TXNRD3: variants seen among roughly 807,000 people sequenced by gnomAD.
The protein encoded by TXNRD3 is thioredoxin reductase 3, also known as TXNRD3 neighbor gene protein.
A neutral mutation model predicts 78.2 loss-of-function variants in TXNRD3; 68 were observed. That is an observed-to-expected ratio of 0.87 (90% CI 0.72 to 1.06). The LOEUF (loss-of-function observed/expected upper bound fraction) is 1.06. TXNRD3 is among the 50% of genes least tolerant of loss of function. The pLI is 0.00. For synonymous variants in TXNRD3, 296 were observed against 300.1 expected, an observed-to-expected ratio of 0.99 and a Z score of 0.14; for missense variants, 751 against 809.5, an observed-to-expected ratio of 0.93 and a Z score of 0.88.
intron 10 of TXNRD3, among the ~76,000 whole-genome samples, 178 bp from the exon 11 acceptor site, chr3:126,622,718 C>G (rs1331659242): frequency 6.6e-6 from 1 of 152,198 alleles, no homozygotes; most frequent in East Asian, 1.9e-4. Context: ...ACTTACCAAA[C>G]TTCACAAGTC....
chr3:126,623,008 C>G (rs73197936), intron 10 of TXNRD3, among the ~76,000 whole-genome samples: 1 of 152,262 alleles, frequency 6.6e-6, no homozygotes, highest in Non-Finnish European at 1.5e-5. Flanking sequence ...CCAACCCTGT[C>G]AACACCTTGA....
intron 1 of TXNRD3, among the ~76,000 whole-genome samples, chr3:126,654,015 G>C (rs537557258): frequency 3.3e-5 from 5 of 150,344 alleles, no homozygotes; most frequent in Non-Finnish European, 7.4e-5. Flanking sequence ...ATATATATTT[G>C]GTAAAAATGT....
chr3:126,621,661 G>A, intron 12 of TXNRD3, 81 bp downstream of exon 12: 1 of 1,281,096 alleles, frequency 7.8e-7, no homozygotes, highest in Non-Finnish European at 1.0e-6. Context: ...TTGGAAAACA[G>A]GCACACAAGT....
intron 1 of TXNRD3, 106 bp downstream of exon 1, chr3:126,654,642 C>T: frequency 1.6e-6 from 1 of 622,054 alleles, no homozygotes; most frequent in Non-Finnish European, 2.2e-6. Flanking sequence ...CTCACCGCCG[C>T]AGCCCGGGAC....
chr3:126,618,056 T>C (rs995974095), intron 12 of TXNRD3, among the ~76,000 whole-genome samples: 2 of 151,974 alleles, frequency 1.3e-5, no homozygotes, highest in Non-Finnish European at 2.9e-5. Context: ...AAAACACTGG[T>C]GAAAGAAACT....
chr3:126,634,541 A>G (rs144216817), intron 6 of TXNRD3, among the ~76,000 whole-genome samples: 66 of 152,324 alleles, frequency 4.3e-4, no homozygotes, highest in African/African-American at 1.6e-3. Context: ...TGTCTTTACA[A>G]CAAATATGGT....
At position 126,644,407 on chromosome 3, in the gene TXNRD3, G is replaced by T. The variant is rs189429862; in HGVS notation, c.415-6C>A. 2.6e-3 allele frequency: 3,910 copies of T among 1,529,574 alleles called. 14 individuals carry two copies. Among genetic ancestry groups the T allele is most frequent in the Non-Finnish European group, 3.0e-3 (3,454 of 1,141,536 alleles). 94.8% of individuals were successfully genotyped at this position (1,529,574 alleles called of 1,614,324 possible). On this transcript the variant is annotated splice_region_variant and splice_polypyrimidine_tract_variant and intron_variant, in intron 3 of 15. Transcript: ENST00000524230. ...AACAAACCACTCTGATATGCCTATG[G>T]TTTAATTACAGGAGAAAGAACACTG...
rs1933483801 is a variant in TXNRD3 at position 126,655,061 on chromosome 3, A to G, written c.-71T>C. ...AAACGCAGGCGGCTGCGGCGCCGGGACGGGGCCTGAGGGGCGGCGAACGCT... is the reference window on the plus strand; with the variant it reads ...AAACGCAGGCGGCTGCGGCGCCGGGGCGGGGCCTGAGGGGCGGCGAACGCT... On this transcript the variant is annotated 5_prime_UTR_variant, in exon 1 of 16. Transcript: ENST00000524230. 3 of 1,291,468 alleles carry G rather than the reference A, an allele frequency of 2.3e-6. No individual in the cohort carries two copies. The highest frequency in any genetic ancestry group is 2.9e-6 in the Non-Finnish European group (3 of 1,021,030). 80.0% of individuals were successfully genotyped at this position (1,291,468 alleles called of 1,614,324 possible).
At chr3:126,619,712 T>C (rs1261552004) in intron 12 of TXNRD3, among the ~76,000 whole-genome samples, 5 of 152,242 alleles carry the variant, frequency 3.3e-5, no homozygotes, top group African/African-American at 7.2e-5. Flanking sequence ...AAAGAGGATA[T>C]AACAGAATGT....
intron 1 of TXNRD3, among the ~76,000 whole-genome samples, chr3:126,648,351 T>C (rs1263682366): frequency 6.6e-6 from 1 of 152,220 alleles, no homozygotes; most frequent in Non-Finnish European, 1.5e-5. Context: ...ATGATCTTTT[T>C]TTGCAGAAAT....
chr3:126,608,764 C>A, intron 14 of TXNRD3, 131 bp from the exon 15 acceptor site: 1 of 1,040,690 alleles, frequency 9.6e-7, no homozygotes, highest in Non-Finnish European at 1.3e-6. Context: ...TCAAAGTGAG[C>A]AGAGAACATT....
In TXNRD3 at chr3:126,630,869, A is replaced by G; in HGVS notation, c.1040T>C (p.Leu347Pro). The G allele has an allele frequency of 6.5e-7, 1 of 1,536,106 alleles. No individual in the cohort carries two copies. Among genetic ancestry groups the G allele is most frequent in the East Asian group, 2.4e-5 (1 of 40,908 alleles). Residue 347 changes from leucine to proline, a missense_variant, in exon 9 of 16, where the codon CTG becomes CCG. Physicochemically the swap from Leu to Pro is moderately conservative, Grantham distance 98. Transcript: ENST00000524230. ...GCCAGCCAGAAACCCTGCACACTCC[A>G]GGGCAACATAAGAGGCACCCACCAC...
At chr3:126,616,101 A>G (rs1382481572) in intron 12 of TXNRD3, among the ~76,000 whole-genome samples, 6 of 152,224 alleles carry the variant, frequency 3.9e-5, no homozygotes, top group Non-Finnish European at 5.9e-5. Context: ...AGACTGAGTC[A>G]GAGAAGAATG....
chr3:126,652,743 AC>A (rs1035106772), intron 1 of TXNRD3, among the ~76,000 whole-genome samples: 8 of 152,242 alleles, frequency 5.3e-5, no homozygotes, highest in African/African-American at 1.9e-4. Flanking sequence ...CCCGCCTAAC[AC>A]CCTGAGCTGT....
Position 126,622,522 on chromosome 3 carries a change from G to T in TXNRD3, c.1309C>A (p.Arg437Ser). The change falls in exon 11 of 16, where the codon CGT (arginine) becomes AGT (serine). Residue 437 changes from arginine (R) to serine (S), a missense_variant. Coordinates refer to ENST00000524230, the MANE Select transcript of TXNRD3 (RefSeq NM_052883.3). ...CCTATTTTCCTTGTACAGGAGTCAC[G>T]ACCAATAGCTAACAAAACCTGCATT... The T allele has an allele frequency of 6.5e-7, 1 of 1,532,820 alleles. No homozygotes were observed. The highest frequency in any genetic ancestry group is 1.2e-5 in the South Asian group (1 of 83,046). 95.0% of individuals were successfully genotyped at this position (1,532,820 alleles called of 1,614,324 possible).
intron 13 of TXNRD3, among the ~76,000 whole-genome samples, chr3:126,613,258 C>T: frequency 1.9e-5 from 1 of 53,562 alleles, no homozygotes; most frequent in East Asian, 3.6e-4. Flanking sequence ...GCCTGACTTT[C>T]CTATTTAGGC....
intron 1 of TXNRD3, among the ~76,000 whole-genome samples, chr3:126,654,432 G>A (rs115775464): frequency 0.01 from 1,561 of 152,272 alleles, 27 homozygotes; most frequent in African/African-American, 0.035. Flanking sequence ...AAAAGTTAAG[G>A]CAGTGTGCAT....
intron 10 of TXNRD3, among the ~76,000 whole-genome samples, chr3:126,627,034 G>C (rs1299817195): frequency 6.6e-6 from 1 of 152,124 alleles, no homozygotes; most frequent in Admixed American, 6.5e-5. Flanking sequence ...GCTGCAGTGA[G>C]CCTTGATCTC....
chr3:126,622,805 G>A (rs1432164122), intron 10 of TXNRD3, among the ~76,000 whole-genome samples: 1 of 152,166 alleles, frequency 6.6e-6, no homozygotes, highest in Non-Finnish European at 1.5e-5. Flanking sequence ...CTCCAAGGGT[G>A]ACTATATTTG....
Sources: gnomAD v4.1 joint callset for allele counts (sites outside exome capture counted in the v4.1 genomes callset) on GRCh38, gnomAD v4.1.1 for gene constraint, MANE v1.5 for transcripts, NCBI Gene and HGNC (gene_info 2026-07-23, HGNC 2026-07-21) for gene names.